UNC13C: variants seen among roughly 807,000 people sequenced by gnomAD.
UNC13C encodes the protein unc-13 homolog C.
In UNC13C, 174 loss-of-function variants were observed where a neutral mutation model predicts 245.4. That is an observed-to-expected ratio of 0.71 (90% CI 0.63 to 0.80). The LOEUF is 0.80. Ranked by LOEUF, UNC13C falls within the 30% of genes least tolerant of loss-of-function variation. The pLI, the probability that UNC13C is intolerant of heterozygous loss-of-function variation, is 0.00. For missense variants in UNC13C, 2,829 were observed against 2,602.9 expected (o/e 1.09, Z -1.89); for synonymous variants, 992 against 895.1 (o/e 1.11, Z -1.93).
chr15:54,401,106 T>A (rs938847305), intron 18 of UNC13C, among the ~76,000 whole-genome samples: 6 of 152,200 alleles, frequency 3.9e-5, no homozygotes, highest in African/African-American at 1.4e-4. Flanking sequence ...GTTACCCATA[T>A]GTGTAATAAA....
chr15:54,006,806 C>T (rs1316473237), intron 1 of UNC13C, among the ~76,000 whole-genome samples: 1 of 152,184 alleles, frequency 6.6e-6, no homozygotes, highest in Non-Finnish European at 1.5e-5. Context: ...GTGTATCTGG[C>T]TTGCCCTTCC....
intron 11 of UNC13C, among the ~76,000 whole-genome samples, chr15:54,297,012 A>G (rs76063940): frequency 0.025 from 3,817 of 152,338 alleles, 64 homozygotes; most frequent in Non-Finnish European, 0.03. Flanking sequence ...AGCCTAGGGT[A>G]TAGACTGTAG....
chr15:54,408,191 C>T (rs147089049), intron 18 of UNC13C, among the ~76,000 whole-genome samples: 2 of 49,582 alleles, frequency 4.0e-5, no homozygotes, highest in African/African-American at 6.5e-5. Flanking sequence ...CAGAGTGAGA[C>T]TCTGCCTCAA....
At chr15:54,136,131 T>C (rs896811938) in intron 2 of UNC13C, among the ~76,000 whole-genome samples, 1 of 152,154 alleles carries the variant, frequency 6.6e-6, no homozygotes, top group Non-Finnish European at 1.5e-5. Flanking sequence ...TATAGTAAAT[T>C]TTAATTTTTA....
At chr15:54,211,261 T>C (rs1596012600) in intron 4 of UNC13C, among the ~76,000 whole-genome samples, 4 of 152,086 alleles carry the variant, frequency 2.6e-5, no homozygotes, top group African/African-American at 9.7e-5. Flanking sequence ...CTCAAATATT[T>C]CTATAAATGT....
chr15:53,952,865 C>T, the UNC13C span, among the ~76,000 whole-genome samples: 29,849 of 152,044 alleles, frequency 0.2, 3,134 homozygotes, highest in South Asian at 0.26. Flanking sequence ...TCAGGGCATA[C>T]GTAATAAAAG....
chr15:53,898,881 A>G, the UNC13C span, among the ~76,000 whole-genome samples: 1 of 152,212 alleles, frequency 6.6e-6, no homozygotes, highest in South Asian at 2.1e-4. Context: ...GCTGTACATT[A>G]GAGTCCCAGA....
At chr15:54,455,583 G>C (rs1325404761) in intron 19 of UNC13C, among the ~76,000 whole-genome samples, 1 of 148,638 alleles carries the variant, frequency 6.7e-6, no homozygotes, top group Admixed American at 6.7e-5. Flanking sequence ...ACTGCACTGT[G>C]GTTTTGATTT....
intron 2 of UNC13C, among the ~76,000 whole-genome samples, chr15:54,099,278 C>T (rs1177418414): frequency 6.6e-6 from 1 of 152,146 alleles, no homozygotes; most frequent in Non-Finnish European, 1.5e-5. Context: ...GCTCCCCTTT[C>T]TATCTTTCTC....
intron 2 of UNC13C, among the ~76,000 whole-genome samples, chr15:54,061,863 T>C (rs565916452): frequency 1.8e-4 from 28 of 152,152 alleles, no homozygotes; most frequent in Non-Finnish European, 3.4e-4. Flanking sequence ...CCTTCATTCT[T>C]AGCATGGGTA....
intron 30 of UNC13C, among the ~76,000 whole-genome samples, chr15:54,596,693 G>A (rs2141264473): frequency 6.6e-6 from 1 of 152,298 alleles, no homozygotes; most frequent in African/African-American, 2.4e-5. Flanking sequence ...GGTTATGGGG[G>A]CAGATCTCTC....
intron 13 of UNC13C, among the ~76,000 whole-genome samples, chr15:54,306,682 C>T (rs1189432540): frequency 6.6e-6 from 1 of 151,912 alleles, no homozygotes; most frequent in Non-Finnish European, 1.5e-5. Flanking sequence ...TTTATTGTAA[C>T]ATGAAGGCTA....
At chr15:53,938,538 C>T in the UNC13C span, among the ~76,000 whole-genome samples, 4 of 152,122 alleles carry the variant, frequency 2.6e-5, no homozygotes, top group Non-Finnish European at 5.9e-5. Context: ...CTGTCCACCC[C>T]CAAACAACAA....
rs184458547 is a variant in UNC13C at position 54,183,650 on chromosome 15, C to T, written c.3071+39966C>T. Among the ~76,000 whole-genome samples the T allele has an allele frequency of 2.3e-3, 354 of 150,766 alleles. 2 individuals are homozygous for T. The highest frequency in any genetic ancestry group is 0.019 in the Admixed American group (291 of 15,022). ...ACTGAAGGACCATGGATTATCGAAACGATTTTGGAGAATATGAGTGATGGA... is the reference window on the plus strand; with the variant it reads ...ACTGAAGGACCATGGATTATCGAAATGATTTTGGAGAATATGAGTGATGGA... On this transcript the variant is annotated intron_variant, in intron 4 of 32. Coordinates refer to ENST00000260323, the MANE Select transcript of UNC13C (RefSeq NM_001080534.3).
At chr15:54,071,904 C>G (rs1197074618) in intron 2 of UNC13C, among the ~76,000 whole-genome samples, 4 of 152,080 alleles carry the variant, frequency 2.6e-5, no homozygotes, top group Non-Finnish European at 2.9e-5. Context: ...CTGCTGGTCA[C>G]GATGTCTCTT....
At chr15:54,390,653 T>C (rs187318989) in intron 17 of UNC13C, among the ~76,000 whole-genome samples, 2 of 152,240 alleles carry the variant, frequency 1.3e-5, no homozygotes, top group East Asian at 3.9e-4. Context: ...ACATTATTCA[T>C]AGTAATGTTT....
chr15:54,321,841 A>T, intron 13 of UNC13C, 98 bp from the exon 14 acceptor site: 1 of 1,195,718 alleles, frequency 8.4e-7, no homozygotes, highest in Non-Finnish European at 1.2e-6. Flanking sequence ...CTTTTCATAG[A>T]TGTAGCTGTG....
intron 28 of UNC13C, among the ~76,000 whole-genome samples, chr15:54,552,272 A>G (rs888972628): frequency 6.7e-5 from 9 of 134,646 alleles, no homozygotes; most frequent in African/African-American, 2.5e-4. Flanking sequence ...AATATATAAT[A>G]TAAAATTATG....
At chr15:54,369,333 C>A (rs1401151242) in intron 17 of UNC13C, among the ~76,000 whole-genome samples, 1 of 152,056 alleles carries the variant, frequency 6.6e-6, no homozygotes, top group African/African-American at 2.4e-5. Context: ...AAAGCATTGC[C>A]TTTGCCGAAG....
Sources: gnomAD v4.1 joint callset for allele counts (sites outside exome capture counted in the v4.1 genomes callset) on GRCh38, gnomAD v4.1.1 for gene constraint, MANE v1.5 for transcripts, NCBI Gene and HGNC (gene_info 2026-07-23, HGNC 2026-07-21) for gene names.